Variants in CMIP observed in about 807,000 individuals in gnomAD.
CMIP encodes the protein c-Maf inducing protein.
In CMIP, 13 loss-of-function variants were observed where a neutral mutation model predicts 97.3. The ratio of observed to expected loss-of-function variants is 0.13; its 90% CI spans 0.09 to 0.21. The LOEUF (loss-of-function observed/expected upper bound fraction) is 0.21, where lower values mean the gene tolerates loss of function less well. Ranked by LOEUF, CMIP falls within the 10% of genes least tolerant of loss-of-function variation. The pLI is 1.00. For missense variants in CMIP, 847 were observed against 1,024.9 expected, an observed-to-expected ratio of 0.83 and a Z score of 2.37; for synonymous variants, 538 against 436.3, an observed-to-expected ratio of 1.23 and a Z score of -2.91.
intron 16 of CMIP, 43 bp from the exon 17 acceptor site, chr16:81,702,579 T>A (rs138442593): frequency 6.3e-7 from 1 of 1,597,808 alleles, no homozygotes; most frequent in East Asian, 2.2e-5. Flanking sequence ...GAATGGAAAC[T>A]TGGGGAAAAG....
At chr16:81,559,903 T>C (rs147142466) in intron 1 of CMIP, among the ~76,000 whole-genome samples, 1 of 152,156 alleles carries the variant, frequency 6.6e-6, no homozygotes, top group East Asian at 1.9e-4. Context: ...ATCCCAGCAC[T>C]TTGGGAGGCT....
chr16:81,565,320 C>T (rs1014495404), intron 1 of CMIP, among the ~76,000 whole-genome samples: 1 of 152,194 alleles, frequency 6.6e-6, no homozygotes, highest in Non-Finnish European at 1.5e-5. Flanking sequence ...GAGCCTCTCT[C>T]CCTGTTCCAG....
chr16:81,565,740 C>T (rs2090969093), intron 1 of CMIP, among the ~76,000 whole-genome samples: 1 of 152,148 alleles, frequency 6.6e-6, no homozygotes, highest in African/African-American at 2.4e-5. Context: ...TGCCCCCTAC[C>T]CAGGAGGGGT....
At chr16:81,664,757 G>A in intron 7 of CMIP, 1 of 376,072 alleles carries the variant, frequency 2.7e-6, no homozygotes, top group Non-Finnish European at 4.7e-6. Context: ...CCTTGCAGTG[G>A]AGAAACCAGA....
intron 1 of CMIP, among the ~76,000 whole-genome samples, chr16:81,512,093 A>G (rs2089823323): frequency 6.6e-6 from 1 of 152,242 alleles, no homozygotes; most frequent in Non-Finnish European, 1.5e-5. Context: ...TATATTATTA[A>G]CATTGATTTC....
At chr16:81,605,288 G>A (rs1280129860) in intron 1 of CMIP, among the ~76,000 whole-genome samples, 2 of 152,228 alleles carry the variant, frequency 1.3e-5, no homozygotes, top group East Asian at 1.9e-4. Flanking sequence ...GGCAGCCGCC[G>A]GGATTGGGGG....
chr16:81,601,679 G>A (rs1013122455), intron 1 of CMIP, among the ~76,000 whole-genome samples: 1 of 152,096 alleles, frequency 6.6e-6, no homozygotes, highest in Non-Finnish European at 1.5e-5. Flanking sequence ...ATCTGTCCCC[G>A]AGAGCAAAAA....
At chr16:81,596,263 T>C (rs999912602) in intron 1 of CMIP, among the ~76,000 whole-genome samples, 4 of 152,074 alleles carry the variant, frequency 2.6e-5, no homozygotes, top group African/African-American at 9.7e-5. Flanking sequence ...CCCAGCACTT[T>C]GGGAAGCCAA....
intron 1 of CMIP, among the ~76,000 whole-genome samples, chr16:81,576,396 T>C (rs1398116228): frequency 1.3e-5 from 2 of 151,926 alleles, no homozygotes; most frequent in African/African-American, 4.8e-5. Context: ...AGAGCAAGAC[T>C]CTGTCTCAAA....
chr16:81,705,007 C>A (rs1185399189), intron 18 of CMIP, among the ~76,000 whole-genome samples: 1 of 152,008 alleles, frequency 6.6e-6, no homozygotes, highest in Non-Finnish European at 1.5e-5. Context: ...CTGCTGAGTC[C>A]CAGCTCAGTG....
intron 1 of CMIP, among the ~76,000 whole-genome samples, chr16:81,479,789 C>A (rs1159990936): frequency 6.6e-6 from 1 of 152,164 alleles, no homozygotes; most frequent in African/African-American, 2.4e-5. Context: ...AGTCACTCCT[C>A]TTTCCCCCTA....
intron 3 of CMIP, among the ~76,000 whole-genome samples, chr16:81,646,919 A>G (rs1420594272): frequency 6.6e-6 from 1 of 152,216 alleles, no homozygotes; most frequent in Non-Finnish European, 1.5e-5. Flanking sequence ...TGCTATGGAC[A>G]TTCTTGGGCA....
chr16:81,624,050 T>C (rs2092026833), intron 3 of CMIP, among the ~76,000 whole-genome samples: 1 of 152,114 alleles, frequency 6.6e-6, no homozygotes, highest in Non-Finnish European at 1.5e-5. Context: ...CTCTCCCCTC[T>C]TTATTTACAA....
Position 81,470,127 on chromosome 16 carries a change from C to T in CMIP, c.300+24586C>T, listed in dbSNP as rs371915233. ...CTACAACCTTCAGATTTATCAGACA[C>T]AACTTTTGACAGTTTCAGTTTAAAG... On this transcript the variant is annotated intron_variant, in intron 1 of 20. Transcript: ENST00000537098. 3.4e-4 allele frequency among the ~76,000 whole-genome samples: 52 copies of T among 152,366 alleles called. 2 individuals carry two copies. In the East Asian group the frequency reaches 9.4e-3, roughly 28 times the overall value.
chr16:81,508,656 G>T (rs939492076), intron 1 of CMIP, among the ~76,000 whole-genome samples: 42 of 152,182 alleles, frequency 2.8e-4, no homozygotes, highest in African/African-American at 9.9e-4. Flanking sequence ...TGCACCTCTG[G>T]AATATTGATA....
In CMIP at chr16:81,445,262, G is replaced by A; in HGVS notation, c.21G>A (p.Ser7=). 1 of 1,533,774 alleles carries A rather than the reference G, an allele frequency of 6.5e-7. No homozygotes were observed. The highest frequency in any genetic ancestry group is 8.8e-7 in the Non-Finnish European group (1 of 1,142,740). The part of the protein sequence containing the change: MDVTSS[S]GGGGDPRQIE... ...CGGCCATGGATGTGACCAGCAGCTC[G>A]GGCGGCGGCGGCGACCCCCGGCAGA... The change falls in exon 1 of 21, where the codon TCG becomes TCA. Residue 7 remains serine (S), a synonymous_variant. Transcript: ENST00000537098.
chr16:81,490,845 A>G (rs1409010662), intron 1 of CMIP, among the ~76,000 whole-genome samples: 1 of 152,130 alleles, frequency 6.6e-6, no homozygotes, highest in Non-Finnish European at 1.5e-5. Context: ...GAGGACACGG[A>G]GGCATAGGGA....
At chr16:81,502,453 C>G (rs1430323298) in intron 1 of CMIP, among the ~76,000 whole-genome samples, 1 of 152,178 alleles carries the variant, frequency 6.6e-6, no homozygotes, top group Non-Finnish European at 1.5e-5. Flanking sequence ...CACAGAGCAC[C>G]CAGCCTGGCT....
intron 1 of CMIP, among the ~76,000 whole-genome samples, chr16:81,480,412 C>T (rs932967463): frequency 6.6e-6 from 1 of 152,210 alleles, no homozygotes; most frequent in African/African-American, 2.4e-5. Flanking sequence ...TGGTGACACA[C>T]ACCTGTAATC....
Sources: allele counts gnomAD v4.1 joint callset (sites outside exome capture counted in the v4.1 genomes callset), GRCh38; gene constraint gnomAD v4.1.1; transcripts MANE v1.5; gene names NCBI Gene and HGNC (gene_info 2026-07-23, HGNC 2026-07-21).